The following MTHFD1L variants were observed in gnomAD, a reference collection of about 807,000 sequenced individuals.
The protein encoded by MTHFD1L is methylenetetrahydrofolate dehydrogenase (NADP+ dependent) 1 like, also known as monofunctional C1-tetrahydrofolate synthase, mitochondrial.
MTHFD1L carries 81 observed loss-of-function variants against 119.5 expected under a neutral mutation model. The ratio of observed to expected loss-of-function variants is 0.68; its 90% confidence interval spans 0.57 to 0.82. MTHFD1L has a LOEUF of 0.82. Ranked by LOEUF, MTHFD1L falls within the 40% of genes least tolerant of loss-of-function variation. The pLI, the probability that MTHFD1L is intolerant of heterozygous loss-of-function variation, is 0.00. For synonymous variants in MTHFD1L, 430 were observed against 475.2 expected, an observed-to-expected ratio of 0.90 and a Z score of 1.24; for missense variants, 1,125 against 1,253.4, an observed-to-expected ratio of 0.90 and a Z score of 1.55.
Position 151,005,524 on chromosome 6 carries a change from GT to G in MTHFD1L, c.2126-4291del, listed in dbSNP as rs1299665914. Among the ~76,000 whole-genome samples, 8 of 152,208 alleles carry G rather than the reference GT, an allele frequency of 5.3e-5. No individual in the cohort carries two copies. The East Asian group carries it at 1.5e-3, about 29-fold the overall frequency. ...CCTCGAACCTTTACTTCTGCATGTT[GT>G]TTTCGTCCCCTAGCTAGAGTTCTCT... On this transcript the variant is annotated intron_variant, in intron 20 of 27. Transcript: ENST00000367321.
intron 20 of MTHFD1L, among the ~76,000 whole-genome samples, chr6:150,983,225 A>G (rs1015238785): frequency 1.2e-4 from 18 of 152,054 alleles, no homozygotes; most frequent in Admixed American, 1.1e-3. Flanking sequence ...TGTATGGCTT[A>G]TCTTTTAAAT....
At chr6:151,028,021 G>A (rs1045848949) in intron 24 of MTHFD1L, among the ~76,000 whole-genome samples, 1 of 152,156 alleles carries the variant, frequency 6.6e-6, no homozygotes, top group Non-Finnish European at 1.5e-5. Flanking sequence ...GCGAGGTTGA[G>A]GCCAAGCATC....
intron 20 of MTHFD1L, among the ~76,000 whole-genome samples, chr6:151,009,054 G>T (rs541319618): frequency 6.7e-6 from 1 of 150,180 alleles, no homozygotes; most frequent in Non-Finnish European, 1.5e-5. Flanking sequence ...CCCGGGAGGC[G>T]GAGGTTGCAG....
At chr6:150,941,680 C>T (rs1174749597) in intron 13 of MTHFD1L, among the ~76,000 whole-genome samples, 5 of 152,138 alleles carry the variant, frequency 3.3e-5, no homozygotes, top group Admixed American at 3.3e-4. Context: ...AGGGTACTGG[C>T]TTGAGCAACT....
In MTHFD1L at chr6:151,060,646, C is replaced by T. The variant is rs1187916418; in HGVS notation, c.2847+23529C>T. 5.3e-5 allele frequency among the ~76,000 whole-genome samples: 8 copies of T among 152,146 alleles called. No individual in the cohort carries two copies. The East Asian group carries it at 1.3e-3, about 26-fold the overall frequency. Reference sequence around the variant, plus strand: ...CACCAGGGGTCGAGGGACAAGGAGGCAGCAAGTCCGCAGCATGAAGGCAGG... The same window carrying T: ...CACCAGGGGTCGAGGGACAAGGAGGTAGCAAGTCCGCAGCATGAAGGCAGG... On this transcript the variant is annotated intron_variant, in intron 26 of 27. Coordinates refer to ENST00000367321, the MANE Select transcript of MTHFD1L (RefSeq NM_015440.5).
intron 10 of MTHFD1L, among the ~76,000 whole-genome samples, chr6:150,924,215 A>G (rs1332293972): frequency 6.6e-6 from 1 of 152,120 alleles, no homozygotes; most frequent in Non-Finnish European, 1.5e-5. Flanking sequence ...AAAACCTTAC[A>G]GGTGTTTGTT....
chr6:151,089,668 G>A lies in MTHFD1L; in HGVS notation c.2848-2799G>A, dbSNP rs371196297. On this transcript the variant is annotated intron_variant, in intron 26 of 27. Coordinates refer to ENST00000367321, the MANE Select transcript of MTHFD1L (RefSeq NM_015440.5). ...TGCCATCTCAAAATGCAGTTAGGCA[G>A]GAAAATTACCTGGTATGAGTTGTAA... Among the ~76,000 whole-genome samples, 6 of 152,292 alleles carry A rather than the reference G, an allele frequency of 3.9e-5. No homozygotes were observed. The East Asian group carries it at 1.2e-3, about 29-fold the overall frequency.
chr6:150,941,980 C>T (rs144802200), intron 13 of MTHFD1L, among the ~76,000 whole-genome samples: 29 of 152,246 alleles, frequency 1.9e-4, no homozygotes, highest in African/African-American at 6.7e-4. Context: ...ACTATCAGGC[C>T]GGGCACGGTG....
At chr6:150,917,317 G>T (rs1326176176) in intron 8 of MTHFD1L, among the ~76,000 whole-genome samples, 2 of 152,036 alleles carry the variant, frequency 1.3e-5, no homozygotes, top group South Asian at 4.2e-4. Context: ...GAGGCCAGGA[G>T]TTTGAGACCA....
intron 26 of MTHFD1L, among the ~76,000 whole-genome samples, chr6:151,046,677 C>G (rs1034673386): frequency 2.0e-5 from 3 of 151,924 alleles, no homozygotes; most frequent in Admixed American, 2.0e-4. Context: ...GCTCTTTCTT[C>G]TATGTCTCTT....
chr6:151,005,039 C>A (rs1744184962), intron 20 of MTHFD1L, among the ~76,000 whole-genome samples: 1 of 151,622 alleles, frequency 6.6e-6, no homozygotes, highest in South Asian at 2.1e-4. Context: ...TGGCCTGTAT[C>A]TCTTTTAAGC....
intron 12 of MTHFD1L, among the ~76,000 whole-genome samples, chr6:150,938,436 A>G (rs1280444729): frequency 1.3e-5 from 2 of 151,574 alleles, no homozygotes; most frequent in Non-Finnish European, 1.5e-5. Flanking sequence ...ATATCCTGGT[A>G]TGTTTTACAG....
intron 20 of MTHFD1L, among the ~76,000 whole-genome samples, chr6:151,002,500 G>C (rs113314564): frequency 2.6e-5 from 4 of 152,136 alleles, no homozygotes; most frequent in Admixed American, 2.6e-4. Flanking sequence ...GCGGTAAGGC[G>C]GACAGCTGCC....
At chr6:150,931,268 C>CTTTTTTTTTTTTTTTTT (rs370763551) in intron 11 of MTHFD1L, among the ~76,000 whole-genome samples, 1 of 123,716 alleles carries the variant, frequency 8.1e-6, no homozygotes, top group Non-Finnish European at 1.7e-5. Context: ...ATCATTTCAT[C>CTTTTTTTTTTTTTTTTT]TTTTTTTTTT....
At chr6:151,079,604 T>C (rs942249884) in intron 26 of MTHFD1L, among the ~76,000 whole-genome samples, 1 of 151,846 alleles carries the variant, frequency 6.6e-6, no homozygotes, top group Admixed American at 6.6e-5. Context: ...ATTCTCCTGC[T>C]TCAGCCTCTC....
chr6:150,956,192 C>T, intron 17 of MTHFD1L, 121 bp downstream of exon 17: 2 of 948,392 alleles, frequency 2.1e-6, no homozygotes, highest in Non-Finnish European at 3.3e-6. Context: ...GGTTCTCTCA[C>T]TGTTTTGGGT....
intron 26 of MTHFD1L, among the ~76,000 whole-genome samples, chr6:151,075,899 A>G (rs2128625083): frequency 6.6e-6 from 1 of 152,372 alleles, no homozygotes; most frequent in South Asian, 2.1e-4. Flanking sequence ...TGTATATGGA[A>G]TACTAAAACT....
intron 20 of MTHFD1L, among the ~76,000 whole-genome samples, chr6:151,007,735 A>G (rs1244805488): frequency 6.6e-6 from 1 of 152,196 alleles, no homozygotes; most frequent in Non-Finnish European, 1.5e-5. Context: ...CCATGATGCC[A>G]CCAACGGCTA....
intron 18 of MTHFD1L, among the ~76,000 whole-genome samples, chr6:150,962,306 G>A (rs896027132): frequency 3.9e-5 from 6 of 152,090 alleles, no homozygotes; most frequent in African/African-American, 1.4e-4. Flanking sequence ...TTTTGTGTGA[G>A]TGTATGATAA....
Sources: allele counts gnomAD v4.1 joint callset (sites outside exome capture counted in the v4.1 genomes callset), GRCh38; gene constraint gnomAD v4.1.1; transcripts MANE v1.5; gene names NCBI Gene and HGNC (gene_info 2026-07-23, HGNC 2026-07-21).